FANCD2: variants seen among roughly 807,000 people sequenced by gnomAD.
The protein encoded by FANCD2 is FA complementation group D2.
FANCD2 carries 131 observed loss-of-function variants against 192.3 expected under a neutral mutation model. The observed-to-expected ratio is 0.68, with a 90% CI of 0.59 to 0.79. The LOEUF (loss-of-function observed/expected upper bound fraction) is 0.79. FANCD2 is among the 30% of genes least tolerant of loss of function. FANCD2 has a pLI of 0.00. For missense variants in FANCD2, 1,508 were observed against 1,701.6 expected, an observed-to-expected ratio of 0.89 and a Z score of 2.00; for synonymous variants, 524 against 612.5, an observed-to-expected ratio of 0.86 and a Z score of 2.13.
rs1274314453 is a variant in FANCD2 at position 10,093,286 on chromosome 3, T to C, written c.3851T>C (p.Val1284Ala). The change falls in exon 39 of 44, where the codon GTA (valine) becomes GCA (alanine). Residue 1284 changes from valine to alanine, a missense_variant and splice_region_variant. Around this residue, in one of 5 missense-constraint regions of FANCD2, gnomAD observed 796 missense variants for 879.4 expected, o/e 0.91. Coordinates refer to ENST00000675286, the MANE Select transcript of FANCD2 (RefSeq NM_001018115.3). ...DFSILINLIK[V>A]FDSHPVLHVC... Reference sequence around the variant, plus strand: ...GTTTCTTGTCTTTCACCTCTCCAGGTATTTGATAGTCATCCTGTTCTGCAT... The same window carrying C: ...GTTTCTTGTCTTTCACCTCTCCAGGCATTTGATAGTCATCCTGTTCTGCAT... 1 of 1,613,300 alleles carries C rather than the reference T, an allele frequency of 6.2e-7. No individual in the cohort carries two copies. The highest frequency in any genetic ancestry group is 8.5e-7 in the Non-Finnish European group (1 of 1,179,238).
At chr3:10,065,647 A>G (rs1575794782) in intron 24 of FANCD2, among the ~76,000 whole-genome samples, 153 bp downstream of exon 24, 2 of 152,374 alleles carry the variant, frequency 1.3e-5, no homozygotes, top group Non-Finnish European at 2.9e-5. Context: ...AAAATAGTAC[A>G]TACAGAATCC....
At chr3:10,074,727 G>A in intron 29 of FANCD2, 54 bp downstream of exon 29, 1 of 1,556,742 alleles carries the variant, frequency 6.4e-7, no homozygotes, top group Non-Finnish European at 8.8e-7. Context: ...AAGTTCCTCA[G>A]GTCTATTCTT....
chr3:10,093,445 C>A (rs1694770014), intron 39 of FANCD2, 122 bp downstream of exon 39: 2 of 865,382 alleles, frequency 2.3e-6, no homozygotes, highest in Non-Finnish European at 4.0e-6. Context: ...AGAATCTATG[C>A]CAGTTTAGGG....
At chr3:10,032,550 T>A (rs1396592153) in intron 2 of FANCD2, 1 of 369,198 alleles carries the variant, frequency 2.7e-6, no homozygotes, top group Admixed American at 4.1e-5. Context: ...CAAGTGATCC[T>A]CCTGCCTTGG....
In FANCD2 at chr3:10,081,533, T is replaced by C; in HGVS notation, c.3224+69T>C. The C allele has an allele frequency of 2.8e-6, 3 of 1,057,162 alleles. 1 individual carries two copies. The highest frequency in any genetic ancestry group is 2.5e-5 in the South Asian group (2 of 79,662). The allele number at this position is 1,057,162 out of a possible 1,614,324, so 65.5% of individuals were successfully genotyped here. A position where few individuals can be genotyped will look rare whatever the true frequency, so the allele number is the denominator to read the frequency against. ...TTTTATTTGACAGTCACCAAGGCACTGAAATGTAGAAAAGAAAGAAAAGGT... is the reference window on the plus strand; with the variant it reads ...TTTTATTTGACAGTCACCAAGGCACCGAAATGTAGAAAAGAAAGAAAAGGT... On this transcript the variant is annotated intron_variant, in intron 32 of 43. Coordinates refer to ENST00000675286, the MANE Select transcript of FANCD2 (RefSeq NM_001018115.3).
intron 26 of FANCD2, among the ~76,000 whole-genome samples, chr3:10,067,893 T>C (rs553478426): frequency 6.6e-6 from 1 of 152,322 alleles, no homozygotes; most frequent in East Asian, 1.9e-4. Flanking sequence ...ATCAATGTGA[T>C]ACCTCCTATC....
Position 10,078,010 on chromosome 3 carries a change from AAAG to A in FANCD2, c.2860-68_2860-66del. 2.6e-6 allele frequency: 3 copies of A among 1,158,456 alleles called. No individual in the cohort carries two copies. In the South Asian group the frequency reaches 3.7e-5, roughly 14 times the overall value. 71.8% of individuals were successfully genotyped at this position (1,158,456 alleles called of 1,614,324 possible). On this transcript the variant is annotated intron_variant, in intron 29 of 43. Transcript: ENST00000675286. ...ATCTTGCCACTGCACATTTAACAAA[AAAG>A]AAAGAAAAAAAATTATCATGAAATG... is the stretch of plus-strand genomic sequence containing the variant.
chr3:10,030,026 A>G (rs1261032965), intron 2 of FANCD2, among the ~76,000 whole-genome samples: 1 of 151,256 alleles, frequency 6.6e-6, no homozygotes, highest in African/African-American at 2.4e-5. Flanking sequence ...ACCTCAAGTG[A>G]TCCATCCATC....
intron 42 of FANCD2, among the ~76,000 whole-genome samples, chr3:10,097,891 A>G (rs1575874788): frequency 6.6e-6 from 1 of 152,312 alleles, no homozygotes; most frequent in African/African-American, 2.4e-5. Flanking sequence ...AATCTTCACA[A>G]TCCACGTTCT....
chr3:10,094,278 CTCT>C lies in FANCD2; in HGVS notation c.3889-5_3889-3del, dbSNP rs2125090590. On this transcript the variant is annotated splice_region_variant and splice_polypyrimidine_tract_variant and intron_variant, in intron 39 of 43. Transcript: ENST00000675286. Reference sequence around the variant, plus strand: ...CTCAGCTAGAGGTAACAGTGTGTCTCTCTTCTTCAGTATGGGCGTCTCTTTGTG... The same window carrying C: ...CTCAGCTAGAGGTAACAGTGTGTCTCTCTTCAGTATGGGCGTCTCTTTGTG... 1.2e-6 allele frequency: 2 copies of C among 1,612,542 alleles called. No individual in the cohort carries two copies. Among genetic ancestry groups the C allele is most frequent in the South Asian group, 2.2e-5 (2 of 91,052 alleles).
chr3:10,034,797 A>G lies in FANCD2; in HGVS notation c.376A>G (p.Ser126Gly), dbSNP rs764507146. Residue 126 changes from serine to glycine, a missense_variant and splice_region_variant, in exon 5 of 44, where the codon AGT becomes GGT. Physicochemically the swap from Ser to Gly is moderately conservative, Grantham distance 56. Around this residue, in one of 5 missense-constraint regions of FANCD2, gnomAD observed 435 missense variants for 421.9 expected, o/e 1.03. Coordinates refer to ENST00000675286, the MANE Select transcript of FANCD2 (RefSeq NM_001018115.3). The part of the protein sequence containing the change: ...SCERLQDEEA[S>G]MGASYSKSLI... ...TGAGCGTCTGCAGGATGAGGAAGCC[A>G]GGTGTGGAGAGGAGGCATGGAATCT... 3.9e-6 allele frequency: 6 copies of G among 1,550,622 alleles called. No homozygotes were observed. The highest frequency in any genetic ancestry group is 2.0e-5 in the Admixed American group (1 of 51,092).
At chr3:10,051,436 G>A (rs1346410187) in intron 17 of FANCD2, among the ~76,000 whole-genome samples, 2 of 34,818 alleles carry the variant, frequency 5.7e-5, no homozygotes, top group African/African-American at 2.4e-4. Context: ...TTATCTCCCA[G>A]TGTTGGACAC....
At chr3:10,076,642 A>C (rs1693559456) in intron 29 of FANCD2, among the ~76,000 whole-genome samples, 1 of 152,144 alleles carries the variant, frequency 6.6e-6, no homozygotes, top group Non-Finnish European at 1.5e-5. Flanking sequence ...TCCTGGGTTC[A>C]AGGATCAAGT....
In FANCD2 at chr3:10,029,270, T is replaced by G. The variant is rs181985499; in HGVS notation, c.64+549T>G. On this transcript the variant is annotated intron_variant, in intron 2 of 43. Coordinates refer to ENST00000675286, the MANE Select transcript of FANCD2 (RefSeq NM_001018115.3). ...ATCCAAGCACTTTGAGGGGCTAAGG[T>G]GAGAGGGTCACCTAAAGCTAGGAGT... Among the ~76,000 whole-genome samples the G allele has an allele frequency of 1.2e-4, 19 of 152,096 alleles. No homozygotes were observed. In the East Asian group the frequency reaches 2.3e-3, roughly 19 times the overall value.
In FANCD2 at chr3:10,042,682, T is replaced by A; in HGVS notation, c.888+19T>A. ...ACTTGAGGTATGCTCTTATATCCCA[T>A]CACACCTAGATAAAGCAACTTAAGT... On this transcript the variant is annotated intron_variant, in intron 11 of 43. Transcript: ENST00000675286. 6.3e-7 allele frequency: 1 copy of A among 1,593,374 alleles called. No homozygotes were observed. Among genetic ancestry groups the A allele is most frequent in the Non-Finnish European group, 8.6e-7 (1 of 1,161,060 alleles).
At chr3:10,065,608 G>C (rs1192635326) in intron 24 of FANCD2, 114 bp downstream of exon 24, 2 of 792,286 alleles carry the variant, frequency 2.5e-6, no homozygotes, top group African/African-American at 1.7e-5. Context: ...AACTTCAGCA[G>C]AATAGTTTAT....
At chr3:10,087,655 TC>T (rs1553614414) in intron 34 of FANCD2, among the ~76,000 whole-genome samples, 1 of 152,132 alleles carries the variant, frequency 6.6e-6, no homozygotes, top group Non-Finnish European at 1.5e-5. Flanking sequence ...CTGGCCTTTT[TC>T]TTTTTTTTTG....
At chr3:10,054,471 ATATTT>A (rs2087342708) in intron 18 of FANCD2, among the ~76,000 whole-genome samples, 2 of 16,670 alleles carry the variant, frequency 1.2e-4, no homozygotes, top group South Asian at 4.8e-3. Context: ...ATATATATAT[ATATTT>A]TTTTTTTTTT....
Position 10,031,310 on chromosome 3 carries a change from T to C in FANCD2, c.65-1522T>C, listed in dbSNP as rs1002871391. On this transcript the variant is annotated intron_variant, in intron 2 of 43. Transcript: ENST00000675286. ...CGAGGTCAGGAGATTGAGACCATCTTGGCTAACATGGTGAAACCCCGTCTC... is the reference window on the plus strand; with the variant it reads ...CGAGGTCAGGAGATTGAGACCATCTCGGCTAACATGGTGAAACCCCGTCTC... Among the ~76,000 whole-genome samples the C allele has an allele frequency of 2.4e-4, 36 of 152,074 alleles. 1 individual carries two copies. Among genetic ancestry groups the C allele is most frequent in the Admixed American group, 5.9e-4 (9 of 15,260 alleles).
Sources: gnomAD v4.1 joint callset for allele counts (sites outside exome capture counted in the v4.1 genomes callset) on GRCh38, gnomAD v4.1.1 for gene constraint, gnomAD v4.1.1 regional missense constraint, MANE v1.5 for transcripts, NCBI Gene and HGNC (gene_info 2026-07-23, HGNC 2026-07-21) for gene names.